PRUNE2: variants seen among roughly 807,000 people sequenced by gnomAD.
PRUNE2 encodes prune homolog 2 with BCH domain, also known as protein prune homolog 2.
Under a neutral mutation model 252.0 loss-of-function variants are expected in PRUNE2, and 164 were observed. That is an observed-to-expected ratio of 0.65 (90% confidence interval 0.57 to 0.74). PRUNE2 has a LOEUF of 0.74. Among genes scored for constraint, PRUNE2 ranks in the 30% least tolerant of loss-of-function variants. The probability of loss-of-function intolerance (pLI) is 0.00; values close to 1 mark genes in which losing one functional copy is unlikely to be tolerated. For missense variants in PRUNE2, 3,495 were observed against 3,711.0 expected (o/e 0.94, Z 1.51); for synonymous variants, 1,292 against 1,350.2 (o/e 0.96, Z 0.94).
At chr9:76,712,131 A>C (rs2046783972) in intron 7 of PRUNE2, among the ~76,000 whole-genome samples, 1 of 152,108 alleles carries the variant, frequency 6.6e-6, no homozygotes, top group Admixed American at 6.6e-5. Context: ...GCTCACATAG[A>C]TACTACTACT....
At chr9:76,685,117 C>G (rs2043942547) in intron 9 of PRUNE2, among the ~76,000 whole-genome samples, 1 of 152,206 alleles carries the variant, frequency 6.6e-6, no homozygotes, top group Non-Finnish European at 1.5e-5. Flanking sequence ...ACTCAGCTTC[C>G]TTATCTGCAA....
In PRUNE2 at chr9:76,707,229, G is replaced by A. The variant is rs375622925; in HGVS notation, c.5045C>T (p.Ser1682Leu). Reference sequence around the variant, plus strand: ...GTCATCATCAGAACCTGAGCTTGTTGAAATGACCCTGGCATCCTCTGGCTG... The same window carrying A: ...GTCATCATCAGAACCTGAGCTTGTTAAAATGACCCTGGCATCCTCTGGCTG... The part of the protein sequence containing the change: ...TVQPEDARVI[S>L]TSSGSDDDSV... Residue 1682 changes from serine to leucine, a missense_variant, in exon 8 of 19, where the codon TCA (serine) becomes TTA (leucine). Coordinates refer to ENST00000376718, the MANE Select transcript of PRUNE2 (RefSeq NM_015225.3). 1.9e-6 allele frequency: 3 copies of A among 1,613,888 alleles called. No homozygotes were observed. Among genetic ancestry groups the A allele is most frequent in the Non-Finnish European group, 1.7e-6 (2 of 1,179,890 alleles).
intron 1 of PRUNE2, among the ~76,000 whole-genome samples, chr9:76,900,761 G>A (rs139749186): frequency 9.2e-5 from 14 of 152,142 alleles, no homozygotes; most frequent in Middle Eastern, 6.8e-3. Context: ...CCAGATCCAA[G>A]TATTCTTCCC....
intron 6 of PRUNE2, among the ~76,000 whole-genome samples, chr9:76,727,696 A>T (rs1393274478): frequency 6.2e-4 from 29 of 46,624 alleles, no homozygotes; most frequent in South Asian, 1.5e-3. Flanking sequence ...CAACTTAGTT[A>T]TGGGTAAACA....
rs1554811430 is a variant in PRUNE2 at position 76,855,082 on chromosome 9, A to ATAT, written c.37-875_37-874insATA. On this transcript the variant is annotated intron_variant, in intron 1 of 18. Coordinates refer to ENST00000376718, the MANE Select transcript of PRUNE2 (RefSeq NM_015225.3). ...TCCATCTCAAAAAAAAAAAAAAAAA[A>ATAT]ATATATATATATATATATATAGTCA... Among the ~76,000 whole-genome samples the ATAT allele has an allele frequency of 2.2e-3, 241 of 109,348 alleles. 1 individual carries two copies. Among genetic ancestry groups the ATAT allele is most frequent in the South Asian group, 6.0e-3 (20 of 3,322 alleles). 71.7% of individuals were successfully genotyped at this position (109,348 alleles called of 152,430 possible). A position where few individuals can be genotyped will look rare whatever the true frequency, so the allele number is the denominator to read the frequency against.
intron 6 of PRUNE2, among the ~76,000 whole-genome samples, chr9:76,743,832 G>A (rs965777620): frequency 2.0e-5 from 3 of 152,164 alleles, no homozygotes; most frequent in Non-Finnish European, 2.9e-5. Flanking sequence ...TACCTTGGGG[G>A]AAGGTAGTTG....
chr9:76,638,138 C>T, intron 13 of PRUNE2, 48 bp downstream of exon 13: 1 of 1,193,336 alleles, frequency 8.4e-7, no homozygotes, highest in Non-Finnish European at 1.3e-6. Context: ...TCTGCCATTA[C>T]ATGCCACAGA....
chr9:76,833,744 G>A (rs2058797734), intron 4 of PRUNE2, among the ~76,000 whole-genome samples: 3 of 148,102 alleles, frequency 2.0e-5, no homozygotes, highest in South Asian at 2.1e-4. Context: ...CAGCCTGGGC[G>A]ACAGAGCAAG....
At position 76,704,010 on chromosome 9, in the gene PRUNE2, T is replaced by C. The variant is rs201127294; in HGVS notation, c.7603A>G (p.Arg2535Gly). 2.3e-5 allele frequency: 37 copies of C among 1,613,876 alleles called. No individual in the cohort carries two copies. In the African/African-American group the frequency reaches 3.5e-4, roughly 15 times the overall value. The part of the protein sequence containing the change: ...EQIKSEYKEE[R>G]CTEKNEDRHA... The stretch of plus-strand genomic sequence containing the variant: ...CGATCTTCATTCTTCTCTGTACATC[T>C]TTCTTCCTTGTATTCTGATTTTATC... The change falls in exon 9 of 19, where the codon AGA (arginine) becomes GGA (glycine). Residue 2535 changes from arginine to glycine, a missense_variant. Coordinates refer to ENST00000376718, the MANE Select transcript of PRUNE2 (RefSeq NM_015225.3).
At chr9:76,750,135 T>C (rs1292324861) in intron 6 of PRUNE2, among the ~76,000 whole-genome samples, 1 of 152,190 alleles carries the variant, frequency 6.6e-6, no homozygotes, top group Admixed American at 6.5e-5. Flanking sequence ...CCTCTTCATC[T>C]GTATTCTTTG....
intron 9 of PRUNE2, among the ~76,000 whole-genome samples, chr9:76,677,329 A>C (rs1299548418): frequency 6.6e-6 from 1 of 152,236 alleles, no homozygotes; most frequent in African/African-American, 2.4e-5. Context: ...TTAAAGAAAA[A>C]AGAAACTCCT....
At chr9:76,776,663 C>T (rs1037751836) in intron 6 of PRUNE2, among the ~76,000 whole-genome samples, 4 of 151,370 alleles carry the variant, frequency 2.6e-5, no homozygotes, top group Non-Finnish European at 4.4e-5. Flanking sequence ...TACAGGTGCC[C>T]GCCACTATGC....
chr9:76,639,431 C>CA (rs1841607592), intron 12 of PRUNE2, among the ~76,000 whole-genome samples: 1 of 152,176 alleles, frequency 6.6e-6, no homozygotes, highest in African/African-American at 2.4e-5. Context: ...GCAGAGGTTG[C>CA]AGTGAGCCAA....
chr9:76,731,306 C>CTATATA (rs1346297088), intron 6 of PRUNE2, among the ~76,000 whole-genome samples: 1 of 37,020 alleles, frequency 2.7e-5, no homozygotes, highest in African/African-American at 9.6e-5. Context: ...ATCTATCTAT[C>CTATATA]TATCTATATA....
At chr9:76,894,085 T>C (rs772443995) in intron 1 of PRUNE2, among the ~76,000 whole-genome samples, 22 of 152,246 alleles carry the variant, frequency 1.4e-4, no homozygotes, top group Non-Finnish European at 1.3e-4. Flanking sequence ...TTGCCCACCA[T>C]CTAAAGAGAA....
At chr9:76,737,168 G>A (rs568716356) in intron 6 of PRUNE2, 112 of 152,322 alleles carry the variant, frequency 7.4e-4, no homozygotes, top group African/African-American at 2.6e-3. Context: ...GAAAGCACAA[G>A]AGGCTACCTT....
At position 76,652,385 on chromosome 9, in the gene PRUNE2, T is replaced by C. The variant is rs142294693; in HGVS notation, c.8557+98A>G. Reference sequence around the variant, plus strand: ...AAATAAAAACAGAAGCTTCTAGAAATCACAAAAAGGATCCACTGGCACAAA... The same window carrying C: ...AAATAAAAACAGAAGCTTCTAGAAACCACAAAAAGGATCCACTGGCACAAA... On this transcript the variant is annotated intron_variant, in intron 11 of 18. Transcript: ENST00000376718. 7.4e-5 allele frequency: 60 copies of C among 811,674 alleles called. No individual in the cohort carries two copies. The South Asian group carries it at 8.9e-4, about 12-fold the overall frequency. 50.3% of individuals were successfully genotyped at this position (811,674 alleles called of 1,614,324 possible).
Position 76,856,986 on chromosome 9 carries a change from T to C in PRUNE2, c.37-2778A>G, listed in dbSNP as rs139534037. ...CCAGGCTGGTCTCAAACTCCTGACC[T>C]CAGGTAATCCACCCGCCTTTGCCTC... On this transcript the variant is annotated intron_variant, in intron 1 of 18. Coordinates refer to ENST00000376718, the MANE Select transcript of PRUNE2 (RefSeq NM_015225.3). 9.5e-4 allele frequency: 423 copies of C among 444,750 alleles called. 1 individual carries two copies. Among genetic ancestry groups the C allele is most frequent in the African/African-American group, 7.3e-3 (361 of 49,764 alleles). The allele number at this position is 444,750 out of a possible 1,614,324, so 27.6% of individuals were successfully genotyped here. A position where few individuals can be genotyped will look rare whatever the true frequency, so the allele number is the denominator to read the frequency against.
intron 9 of PRUNE2, among the ~76,000 whole-genome samples, chr9:76,689,770 C>T (rs1346336448): frequency 6.6e-6 from 1 of 152,176 alleles, no homozygotes; most frequent in Non-Finnish European, 1.5e-5. Context: ...GACAATCACT[C>T]ACTCTAACTA....
Sources: allele counts gnomAD v4.1 joint callset (sites outside exome capture counted in the v4.1 genomes callset), GRCh38; gene constraint gnomAD v4.1.1; transcripts MANE v1.5; gene names NCBI Gene and HGNC (gene_info 2026-07-23, HGNC 2026-07-21).